SCN2A: variants seen among roughly 807,000 people sequenced by gnomAD.
The protein encoded by SCN2A is sodium voltage-gated channel alpha subunit 2.
A neutral mutation model predicts 188.7 loss-of-function variants in SCN2A; 20 were observed. That is an observed-to-expected ratio of 0.11 (90% CI 0.07 to 0.15). The LOEUF (loss-of-function observed/expected upper bound fraction) is 0.15. SCN2A is among the 10% of genes least tolerant of loss of function. The pLI is 1.00. For missense variants in SCN2A, 1,278 were observed against 2,445.0 expected (o/e 0.52, Z 10.07); for synonymous variants, 804 against 833.1 (o/e 0.97, Z 0.60).
intron 22 of SCN2A, among the ~76,000 whole-genome samples, chr2:165,375,699 G>A (rs985998578): frequency 6.6e-6 from 1 of 151,926 alleles, no homozygotes; most frequent in Non-Finnish European, 1.5e-5. Context: ...TTTGTAGAGT[G>A]CCTTAAAATA....
chr2:165,310,201 A>T, intron 6 of SCN2A, 122 bp from the exon 7 acceptor site: 1 of 1,067,890 alleles, frequency 9.4e-7, no homozygotes, highest in Non-Finnish European at 1.5e-6. Flanking sequence ...ACAAACATTA[A>T]ACTAATATTG....
chr2:165,323,997 A>G (rs1470150253), intron 12 of SCN2A, among the ~76,000 whole-genome samples: 1 of 152,080 alleles, frequency 6.6e-6, no homozygotes, highest in African/African-American at 2.4e-5. Flanking sequence ...TTTAGCATCC[A>G]CTCTAATGAT....
chr2:165,241,963 C>A (rs1395213345), intron 1 of SCN2A, among the ~76,000 whole-genome samples: 1 of 151,996 alleles, frequency 6.6e-6, no homozygotes, highest in East Asian at 1.9e-4. Context: ...CTATAGGCAT[C>A]GTATAGGGAA....
At chr2:165,325,743 T>C (rs1436517229) in intron 12 of SCN2A, among the ~76,000 whole-genome samples, 2 of 152,170 alleles carry the variant, frequency 1.3e-5, no homozygotes, top group Non-Finnish European at 2.9e-5. Flanking sequence ...TTTCTTTTCT[T>C]ACTAATTTTA....
intron 1 of SCN2A, among the ~76,000 whole-genome samples, chr2:165,277,839 A>T (rs548349686): frequency 6.6e-6 from 1 of 152,342 alleles, no homozygotes; most frequent in African/African-American, 2.4e-5. Flanking sequence ...AGTTTGCTCA[A>T]TGCTGCTTCT....
intron 12 of SCN2A, 145 bp from the exon 13 acceptor site, chr2:165,326,707 T>C: frequency 2.0e-6 from 2 of 1,001,898 alleles, no homozygotes; most frequent in Non-Finnish European, 3.0e-6. Flanking sequence ...CCCCAAAGAA[T>C]TATCATTCCA....
At chr2:165,387,746 C>T (rs779405801) in intron 26 of SCN2A, among the ~76,000 whole-genome samples, 2 of 151,968 alleles carry the variant, frequency 1.3e-5, no homozygotes, top group Non-Finnish European at 2.9e-5. Context: ...TTTGGGGAAA[C>T]AGAACATTCA....
At chr2:165,337,340 A>G (rs1365324576) in intron 14 of SCN2A, among the ~76,000 whole-genome samples, 2 of 152,210 alleles carry the variant, frequency 1.3e-5, no homozygotes, top group Admixed American at 1.3e-4. Flanking sequence ...CAAGTAGTCT[A>G]AATATTTATA....
At position 165,392,298 on chromosome 2, in the gene SCN2A, A is replaced by T. The variant is rs1702148819; in HGVS notation, c.*2474A>T. 1 of 152,374 alleles carries T rather than the reference A, an allele frequency of 6.6e-6. No homozygotes were observed. The highest frequency in any genetic ancestry group is 1.5e-5 in the Non-Finnish European group (1 of 67,970). 9.4% of individuals were successfully genotyped at this position (152,374 alleles called of 1,614,324 possible). Reference sequence around the variant, plus strand: ...AGTTACAAAAATTAATAAAAAATTGACTAACATTTTAAGTTGTGCATCTTT... The same window carrying T: ...AGTTACAAAAATTAATAAAAAATTGTCTAACATTTTAAGTTGTGCATCTTT... On this transcript the variant is annotated 3_prime_UTR_variant, in exon 27 of 27. Coordinates refer to ENST00000375437, the MANE Select transcript of SCN2A (RefSeq NM_001040142.2).
rs535050581 is a variant in SCN2A at position 165,344,981 on chromosome 2, G to A, written c.2919+70G>A. 10 of 1,592,276 alleles carry A rather than the reference G, an allele frequency of 6.3e-6. No homozygotes were observed. In the African/African-American group the frequency reaches 1.2e-4, roughly 19 times the overall value. ...TAATCATTAAAAAGTGTGTTCAACT[G>A]AAGAATATTTTGTATTTTTTAAATC... is the stretch of plus-strand genomic sequence containing the variant. On this transcript the variant is annotated intron_variant, in intron 16 of 26. Coordinates refer to ENST00000375437, the MANE Select transcript of SCN2A (RefSeq NM_001040142.2).
chr2:165,286,055 G>A (rs559707850), intron 1 of SCN2A: 47 of 169,844 alleles, frequency 2.8e-4, no homozygotes, highest in Non-Finnish European at 5.7e-4. Flanking sequence ...TTAACAACCC[G>A]AACCAGGAGA....
At chr2:165,267,938 G>C (rs1694945053) in intron 1 of SCN2A, 1 of 151,842 alleles carries the variant, frequency 6.6e-6, no homozygotes, top group African/African-American at 2.4e-5. Flanking sequence ...ACTATCAAAA[G>C]AACAAAAGAT....
intron 16 of SCN2A, among the ~76,000 whole-genome samples, chr2:165,350,989 A>G (rs1336952669): frequency 4.6e-5 from 7 of 152,234 alleles, no homozygotes; most frequent in African/African-American, 7.2e-5. Flanking sequence ...ACTATGTGCC[A>G]AGAACTGTGC....
rs918734456 is a variant in SCN2A at position 165,374,830 on chromosome 2, A to T, written c.4118A>T (p.Glu1373Val). The T allele has an allele frequency of 6.2e-7, 1 of 1,613,608 alleles. No homozygotes were observed. The change falls in exon 22 of 27, where the codon GAG (glutamate) becomes GTG (valine). Residue 1373 changes from glutamate to valine, a missense_variant. By Grantham distance (121) the Glu-to-Val change is moderately radical. Transcript: ENST00000375437. Reference sequence around the variant, plus strand: ...CATTGTATTAATTACACCACTGGAGAGATGTTTGATGTAAGCGTGGTCAAC... The same window carrying T: ...CATTGTATTAATTACACCACTGGAGTGATGTTTGATGTAAGCGTGGTCAAC... ...FYHCINYTTG[E>V]MFDVSVVNNY...
At chr2:165,248,085 T>G (rs1044496321) in intron 1 of SCN2A, among the ~76,000 whole-genome samples, 3 of 152,180 alleles carry the variant, frequency 2.0e-5, no homozygotes, top group African/African-American at 7.2e-5. Context: ...ACCTTCACAC[T>G]GCTACCCTGC....
intron 11 of SCN2A, among the ~76,000 whole-genome samples, chr2:165,319,104 G>A (rs568615734): frequency 4.2e-4 from 64 of 152,230 alleles, no homozygotes; most frequent in African/African-American, 1.4e-3. Flanking sequence ...TTGGGAGGCC[G>A]AGACGGGCAG....
chr2:165,321,197 G>C (rs1386960438), intron 11 of SCN2A, among the ~76,000 whole-genome samples: 1 of 152,134 alleles, frequency 6.6e-6, no homozygotes, highest in Non-Finnish European at 1.5e-5. Flanking sequence ...AATATAACAA[G>C]AGTCACCTTT....
chr2:165,261,667 C>T (rs1694602473), intron 1 of SCN2A, among the ~76,000 whole-genome samples: 1 of 152,174 alleles, frequency 6.6e-6, no homozygotes, highest in South Asian at 2.1e-4. Flanking sequence ...TACAAATTAT[C>T]TTTGTCACAG....
chr2:165,320,890 G>A (rs546363520), intron 11 of SCN2A, among the ~76,000 whole-genome samples: 2 of 152,298 alleles, frequency 1.3e-5, no homozygotes, highest in African/African-American at 4.8e-5. Context: ...TTTCTCCATT[G>A]TCTTGGGGAT....
Sources: gnomAD v4.1 joint callset for allele counts (sites outside exome capture counted in the v4.1 genomes callset) on GRCh38, gnomAD v4.1.1 for gene constraint, MANE v1.5 for transcripts, NCBI Gene and HGNC (gene_info 2026-07-23, HGNC 2026-07-21) for gene names.